Variants in TET2 observed in about 807,000 individuals in gnomAD.
TET2 encodes the protein tet methylcytosine dioxygenase 2, also known as methylcytosine dioxygenase TET2.
In TET2, 299 loss-of-function variants were observed where a neutral mutation model predicts 142.9. That is an observed-to-expected ratio of 2.09 (90% CI 1.90 to 2.30). The LOEUF (loss-of-function observed/expected upper bound fraction) is 2.30, where lower values mean the gene tolerates loss of function less well. Ranked by LOEUF, TET2 falls within the 30% of genes most tolerant of loss-of-function variation. The pLI is 0.00. For synonymous variants in TET2, 819 were observed against 849.0 expected, an observed-to-expected ratio of 0.96 and a Z score of 0.61; for missense variants, 2,418 against 2,378.0, an observed-to-expected ratio of 1.02 and a Z score of -0.35.
At position 105,237,165 on chromosome 4, in the gene TET2, G is replaced by A; in HGVS notation, c.3223G>A (p.Asp1075Asn). Residue 1075 changes from aspartate (D) to asparagine (N), a missense_variant, in exon 3 of 11, where the codon GAT becomes AAT. Asp to Asn is a conservative substitution (Grantham distance 23). Coordinates refer to ENST00000380013, the MANE Select transcript of TET2 (RefSeq NM_001127208.3). ...TAGACAAACCACTGCTGCAGAACTT[G>A]ATAGCCACACCCCAGCTTTAGAGCA... is the stretch of plus-strand genomic sequence containing the variant. ...LTRQTTAAEL[D>N]SHTPALEQQT... 6.2e-7 allele frequency: 1 copy of A among 1,614,156 alleles called. No individual in the cohort carries two copies.
intron 3 of TET2, chr4:105,239,084 T>TTTTTTTTTTTG (rs1560550074): frequency 4.5e-6 from 1 of 221,634 alleles, no homozygotes; most frequent in Non-Finnish European, 9.1e-6. Context: ...GTTTTTTTTT[T>TTTTTTTTTTTG]TTGTTTTTTA....
intron 9 of TET2, among the ~76,000 whole-genome samples, chr4:105,272,327 TAGACTC>T (rs1021276698): frequency 6.6e-6 from 1 of 152,198 alleles, no homozygotes; most frequent in African/African-American, 2.4e-5. Flanking sequence ...CTGTTCCTGA[TAGACTC>T]AGAGAAAGGG....
chr4:105,168,991 C>T (rs755466262), intron 1 of TET2, among the ~76,000 whole-genome samples: 4 of 152,124 alleles, frequency 2.6e-5, no homozygotes, highest in African/African-American at 4.8e-5. Context: ...CACCGATTGA[C>T]GAGCATTTGG....
intron 5 of TET2, 143 bp from the exon 6 acceptor site, chr4:105,243,426 TG>T: frequency 2.6e-6 from 2 of 755,960 alleles, no homozygotes; most frequent in Non-Finnish European, 4.4e-6. Context: ...AAAGGCACAT[TG>T]GACATGCTGA....
At chr4:105,204,395 TAGTG>T (rs1454155650) in intron 2 of TET2, among the ~76,000 whole-genome samples, 1 of 152,102 alleles carries the variant, frequency 6.6e-6, no homozygotes, top group Non-Finnish European at 1.5e-5. Context: ...TTTAAATGAA[TAGTG>T]AGCTACTATT....
intron 8 of TET2, among the ~76,000 whole-genome samples, chr4:105,264,353 A>G (rs1328824202): frequency 1.1e-4 from 17 of 152,274 alleles, no homozygotes; most frequent in Non-Finnish European, 1.2e-4. Context: ...CTATAAAAAT[A>G]AATAAATGAA....
At chr4:105,248,656 T>C (rs1729704273) in intron 6 of TET2, among the ~76,000 whole-genome samples, 1 of 152,214 alleles carries the variant, frequency 6.6e-6, no homozygotes, top group African/African-American at 2.4e-5. Context: ...AATTGAGATA[T>C]AATTCACATA....
intron 6 of TET2, among the ~76,000 whole-genome samples, chr4:105,252,847 C>T (rs1389748723): frequency 6.6e-6 from 1 of 152,144 alleles, no homozygotes; most frequent in Non-Finnish European, 1.5e-5. Flanking sequence ...CACTTGTTTG[C>T]ATGTGGAGTT....
rs1171631328 is a variant in TET2, at chr4:105,259,654, CCTGTGGTGCCTCCTTCT to C, written c.3842_3858del (p.Cys1281PhefsTer13). 1 of 1,551,028 alleles carries C rather than the reference CCTGTGGTGCCTCCTTCT, an allele frequency of 6.4e-7. No individual in the cohort carries two copies. Among genetic ancestry groups the C allele is most frequent in the African/African-American group, 1.4e-5 (1 of 73,078 alleles). Reference sequence around the variant, plus strand: ...GCCTGTCAGGGGCTGGATCCAGAAACCTGTGGTGCCTCCTTCTCTTTTGGTTGTTCATGGAGCATGTA... The same window carrying C: ...GCCTGTCAGGGGCTGGATCCAGAAACCTTTTGGTTGTTCATGGAGCATGTA... On this transcript the variant is annotated frameshift_variant, in exon 7 of 11. Transcript: ENST00000380013. LOFTEE classifies it high-confidence loss of function.
At chr4:105,152,530 C>T (rs1015460226) in intron 1 of TET2, among the ~76,000 whole-genome samples, 1 of 150,840 alleles carries the variant, frequency 6.6e-6, no homozygotes, top group African/African-American at 2.4e-5. Flanking sequence ...TAGTGAAAAA[C>T]CATGCAATTT....
chr4:105,234,615 C>T lies in TET2; in HGVS notation c.673C>T (p.Leu225Phe). ...TTCCGTGGAACACACACATGGTGAA[C>T]TCCTGGAAAAAACACTGTCTCAATA... ...ASSVEHTHGE[L>F]LEKTLSQYYP... The change falls in exon 3 of 11, where the codon CTC (leucine) becomes TTC (phenylalanine). Residue 225 changes from leucine to phenylalanine, a missense_variant. Coordinates refer to ENST00000380013, the MANE Select transcript of TET2 (RefSeq NM_001127208.3). The T allele has an allele frequency of 3.1e-6, 5 of 1,614,018 alleles. No individual in the cohort carries two copies. Among genetic ancestry groups the T allele is most frequent in the Non-Finnish European group, 4.2e-6 (5 of 1,179,976 alleles).
At chr4:105,148,598 C>T (rs1300170921) in intron 1 of TET2, among the ~76,000 whole-genome samples, 2 of 152,036 alleles carry the variant, frequency 1.3e-5, no homozygotes, top group Non-Finnish European at 2.9e-5. Flanking sequence ...GGTATTGTTG[C>T]CTGGCTAATG....
At position 105,234,988 on chromosome 4, in the gene TET2, G is replaced by T. The variant is rs1327830318; in HGVS notation, c.1046G>T (p.Gly349Val). The stretch of plus-strand genomic sequence containing the variant: ...CAGGGAACCACAAAGCTAGCGTCTG[G>T]TGAAGAATTCTGTTCAGGTTCCAGC... ...NIQGTTKLASGEEFCSGSSSN... is the reference protein window; with the variant it reads ...NIQGTTKLASVEEFCSGSSSN... The change falls in exon 3 of 11, where the codon GGT (glycine) becomes GTT (valine). Residue 349 changes from glycine (G) to valine (V), a missense_variant. Physicochemically the swap from Gly to Val is moderately radical, Grantham distance 109. Transcript: ENST00000380013. 1 of 1,614,062 alleles carries T rather than the reference G, an allele frequency of 6.2e-7. No homozygotes were observed. The highest frequency in any genetic ancestry group is 1.1e-5 in the South Asian group (1 of 91,070).
At chr4:105,181,220 T>G (rs1390663121) in intron 1 of TET2, among the ~76,000 whole-genome samples, 4 of 152,180 alleles carry the variant, frequency 2.6e-5, no homozygotes, top group African/African-American at 9.6e-5. Flanking sequence ...TTGTGTGTGT[T>G]TGTCTTTGTG....
At chr4:105,213,168 A>C (rs886593138) in intron 2 of TET2, among the ~76,000 whole-genome samples, 5 of 152,192 alleles carry the variant, frequency 3.3e-5, no homozygotes, top group African/African-American at 1.2e-4. Flanking sequence ...AGAAATATAC[A>C]GGTGCATTAT....
intron 1 of TET2, among the ~76,000 whole-genome samples, chr4:105,167,320 A>G (rs1005458895): frequency 6.6e-6 from 1 of 152,018 alleles, no homozygotes; most frequent in Non-Finnish European, 1.5e-5. Context: ...AATTTTACCT[A>G]ACTATATCTA....
chr4:105,238,426 T>C (rs1729084840), intron 3 of TET2: 1 of 244,074 alleles, frequency 4.1e-6, no homozygotes, highest in Non-Finnish European at 8.6e-6. Context: ...AGAATTTCTT[T>C]GAAAATTGGA....
At chr4:105,220,292 C>T (rs1015016059) in intron 2 of TET2, among the ~76,000 whole-genome samples, 16 of 151,708 alleles carry the variant, frequency 1.1e-4, no homozygotes, top group African/African-American at 3.9e-4. Context: ...TCTACAATTG[C>T]CCCTCATATA....
chr4:105,168,719 C>CT (rs757269862), intron 1 of TET2, among the ~76,000 whole-genome samples: 16 of 152,224 alleles, frequency 1.1e-4, no homozygotes, highest in Admixed American at 2.6e-4. Context: ...TATTCGTAGT[C>CT]TTTTATTCCT....
Sources: gnomAD v4.1 joint callset for allele counts (sites outside exome capture counted in the v4.1 genomes callset) on GRCh38, gnomAD v4.1.1 for gene constraint, MANE v1.5 for transcripts, NCBI Gene and HGNC (gene_info 2026-07-23, HGNC 2026-07-21) for gene names.